Variants in CELF5 observed in about 807,000 individuals in gnomAD.
CELF5 encodes CUG-BP and ETR-3 like factor 5.
In CELF5, 6 loss-of-function variants were observed where a neutral mutation model predicts 54.9. The observed-to-expected ratio is 0.11, with a 90% CI of 0.06 to 0.22. The LOEUF (loss-of-function observed/expected upper bound fraction) is 0.22, where lower values mean the gene tolerates loss of function less well. CELF5 is among the 10% of genes least tolerant of loss of function. The pLI, the probability that CELF5 is intolerant of heterozygous loss-of-function variation, is 1.00. For synonymous variants in CELF5, 271 were observed against 290.9 expected (o/e 0.93, Z 0.70); for missense variants, 401 against 678.6 (o/e 0.59, Z 4.54).
At position 3,263,810 on chromosome 19, in the gene CELF5, A is replaced by AC. The variant is rs1443898753; in HGVS notation, c.343-10062_343-10061insC. Reference sequence around the variant, plus strand: ...ATTCCAGCTACTCAGGAGGCTGAAGAAGGAGAATCGCTTGAAACTGGGATA... The same window carrying AC: ...ATTCCAGCTACTCAGGAGGCTGAAGACAGGAGAATCGCTTGAAACTGGGATA... On this transcript the variant is annotated intron_variant, in intron 2 of 12. Coordinates refer to ENST00000292672, the MANE Select transcript of CELF5 (RefSeq NM_021938.4). 3.3e-5 allele frequency among the ~76,000 whole-genome samples: 5 copies of AC among 149,560 alleles called. No individual in the cohort carries two copies. The South Asian group carries it at 6.4e-4, about 19-fold the overall frequency.
In CELF5 at chr19:3,286,168, C is replaced by A. The variant is rs1008169389; in HGVS notation, c.1186+143C>A. ...GGGGCTGGACAGGCCAGAGTTGAGT[C>A]CCGGTGCAGCCGCTGACCCCTGGGA... On this transcript the variant is annotated intron_variant, in intron 10 of 12. Transcript: ENST00000292672. 9.8e-6 allele frequency: 6 copies of A among 612,014 alleles called. No individual in the cohort carries two copies. In the East Asian group the frequency reaches 1.7e-4, roughly 17 times the overall value. The allele number at this position is 612,014 out of a possible 1,614,324, so 37.9% of individuals were successfully genotyped here. A position where few individuals can be genotyped will look rare whatever the true frequency, so the allele number is the denominator to read the frequency against.
At chr19:3,264,447 G>C (rs1344801895) in intron 2 of CELF5, among the ~76,000 whole-genome samples, 1 of 147,228 alleles carries the variant, frequency 6.8e-6, no homozygotes, top group African/African-American at 2.5e-5. Flanking sequence ...ACGGAGTCTT[G>C]CTGTGTCACC....
At chr19:3,250,217 G>A (rs112131259) in intron 1 of CELF5, among the ~76,000 whole-genome samples, 6 of 152,152 alleles carry the variant, frequency 3.9e-5, no homozygotes, top group African/African-American at 1.2e-4. Context: ...GGCCGGGTGC[G>A]GTGGCTCACG....
chr19:3,285,100 C>T, intron 9 of CELF5, 136 bp downstream of exon 9: 1 of 682,604 alleles, frequency 1.5e-6, no homozygotes, highest in Non-Finnish European at 2.5e-6. Context: ...CCCCTCAGGG[C>T]CCACCCTTAG....
At position 3,268,218 on chromosome 19, in the gene CELF5, C is replaced by T. The variant is rs1248619563; in HGVS notation, c.343-5654C>T. 2.0e-5 allele frequency among the ~76,000 whole-genome samples: 3 copies of T among 151,950 alleles called. No individual in the cohort carries two copies. The highest frequency in any genetic ancestry group is 1.9e-4 in the East Asian group (1 of 5,162). On this transcript the variant is annotated intron_variant, in intron 2 of 12. Transcript: ENST00000292672. This position sits in a 1 kb window ranked among gnomAD's most constrained non-coding sequence, Gnocchi z 4.4. ...TTTACCGTGTTGGCCAGGCTGGTCT[C>T]GAACTCCTGACCTCAGGTGATCCGC... is the stretch of plus-strand genomic sequence containing the variant.
At chr19:3,244,564 GAT>G (rs1491208716) in intron 1 of CELF5, among the ~76,000 whole-genome samples, 2 of 150,008 alleles carry the variant, frequency 1.3e-5, no homozygotes, top group African/African-American at 4.9e-5. Flanking sequence ...CATTGCGTGT[GAT>G]GTGTGTGGTA....
In CELF5 at chr19:3,264,418, T is replaced by G. The variant is rs187123752; in HGVS notation, c.343-9454T>G. Reference sequence around the variant, plus strand: ...TTTTTCTTTTTCTTTTTCTTTTCTTTCTTTTTTTTTTTTAAGAGACGGAGT... The same window carrying G: ...TTTTTCTTTTTCTTTTTCTTTTCTTGCTTTTTTTTTTTTAAGAGACGGAGT... On this transcript the variant is annotated intron_variant, in intron 2 of 12. Coordinates refer to ENST00000292672, the MANE Select transcript of CELF5 (RefSeq NM_021938.4). Among the ~76,000 whole-genome samples the G allele has an allele frequency of 7.1e-3, 1,078 of 151,770 alleles. 51 individuals are homozygous for G. Among genetic ancestry groups the G allele is most frequent in the Admixed American group, 0.066 (1,009 of 15,194 alleles).
At chr19:3,238,804 G>A (rs2079451891) in intron 1 of CELF5, among the ~76,000 whole-genome samples, 1 of 152,130 alleles carries the variant, frequency 6.6e-6, no homozygotes, top group African/African-American at 2.4e-5. Context: ...GGCGGCGGGT[G>A]CCTGTAATCC....
rs111586490 is a variant in CELF5, at chr19:3,258,238, A to G, written c.342+7171A>G. Among the ~76,000 whole-genome samples the G allele has an allele frequency of 6.6e-3, 999 of 152,248 alleles. 14 individuals carry two copies. The highest frequency in any genetic ancestry group is 0.023 in the African/African-American group (938 of 41,546). ...CTCCCAATATGCTGGGATTACAGGC[A>G]TGAGCCACCACGCCCAGCCCTGTGA... is the stretch of plus-strand genomic sequence containing the variant. On this transcript the variant is annotated intron_variant, in intron 2 of 12. Transcript: ENST00000292672.
chr19:3,290,543 G>C (rs528092084), intron 11 of CELF5, among the ~76,000 whole-genome samples, 169 bp downstream of exon 11: 55 of 145,014 alleles, frequency 3.8e-4, no homozygotes, highest in African/African-American at 1.3e-3. Flanking sequence ...CCAGCACTTT[G>C]TTTGTTTTGG....
intron 12 of CELF5, 170 bp downstream of exon 12, chr19:3,293,656 C>T (rs1050958705): frequency 3.4e-6 from 2 of 587,850 alleles, no homozygotes; most frequent in Non-Finnish European, 5.9e-6. Context: ...TAGACACCCC[C>T]GATCCCCCTG....
At chr19:3,249,498 C>T (rs1203354293) in intron 1 of CELF5, among the ~76,000 whole-genome samples, 1 of 150,926 alleles carries the variant, frequency 6.6e-6, no homozygotes. Context: ...CCCCGCCCCT[C>T]GCTTCCCACC....
chr19:3,237,260 C>A (rs1242012080), intron 1 of CELF5, among the ~76,000 whole-genome samples: 3 of 129,892 alleles, frequency 2.3e-5, no homozygotes, highest in East Asian at 4.8e-4. Context: ...TGCAGTGAGC[C>A]GAGATCACGC....
chr19:3,235,849 G>A (rs567866268), intron 1 of CELF5, among the ~76,000 whole-genome samples: 1 of 149,906 alleles, frequency 6.7e-6, no homozygotes, highest in East Asian at 2.0e-4. Flanking sequence ...TGAATGAATG[G>A]ATGGATGGAT....
chr19:3,242,722 C>G (rs1488995066), intron 1 of CELF5, among the ~76,000 whole-genome samples: 1 of 152,046 alleles, frequency 6.6e-6, no homozygotes, highest in African/African-American at 2.4e-5. Flanking sequence ...AGGAGAATCG[C>G]TTGAACTTGG....
At chr19:3,237,185 A>G (rs1160870325) in intron 1 of CELF5, among the ~76,000 whole-genome samples, 5 of 149,836 alleles carry the variant, frequency 3.3e-5, no homozygotes, top group Non-Finnish European at 5.9e-5. Context: ...GGTGGCAGGA[A>G]CCTGTAGTCC....
intron 10 of CELF5, among the ~76,000 whole-genome samples, chr19:3,289,049 G>A (rs1339766758): frequency 1.3e-5 from 2 of 152,168 alleles, no homozygotes; most frequent in African/African-American, 4.8e-5. Flanking sequence ...GGACAATTTA[G>A]AGGATTATTT....
chr19:3,277,263 C>T (rs1248414874), intron 4 of CELF5, among the ~76,000 whole-genome samples: 1 of 152,102 alleles, frequency 6.6e-6, no homozygotes, highest in Non-Finnish European at 1.5e-5. Flanking sequence ...ATCACGAGAT[C>T]AGGAGTTCAA....
intron 1 of CELF5, among the ~76,000 whole-genome samples, chr19:3,227,036 A>G (rs1051398288): frequency 4.6e-5 from 7 of 152,110 alleles, no homozygotes; most frequent in African/African-American, 1.7e-4. Context: ...GACAGCCGGC[A>G]ATCACCCTCC....
Sources: allele counts gnomAD v4.1 joint callset (sites outside exome capture counted in the v4.1 genomes callset), GRCh38; gene constraint gnomAD v4.1.1; non-coding constraint Gnocchi (gnomAD v3.1); transcripts MANE v1.5; gene names NCBI Gene and HGNC (gene_info 2026-07-23, HGNC 2026-07-21).